ANKRD12: variants seen among roughly 807,000 people sequenced by gnomAD.
ANKRD12 encodes ankyrin repeat domain-containing protein 12.
Under a neutral mutation model 183.4 loss-of-function variants are expected in ANKRD12, and 85 were observed. The ratio of observed to expected loss-of-function variants is 0.46; its 90% CI spans 0.39 to 0.56. The LOEUF is 0.56. ANKRD12 is among the 20% of genes least tolerant of loss of function. The probability of loss-of-function intolerance (pLI) is 0.00; values close to 1 mark genes in which losing one functional copy is unlikely to be tolerated. For synonymous variants in ANKRD12, 914 were observed against 800.2 expected (o/e 1.14, Z -2.40); for missense variants, 2,405 against 2,357.1 (o/e 1.02, Z -0.42).
At chr18:9,186,136 G>GTTTTTTTTTTTTTTTTTTTTTTTTTTT (rs1280812557) in intron 2 of ANKRD12, among the ~76,000 whole-genome samples, 3 of 141,894 alleles carry the variant, frequency 2.1e-5, no homozygotes, top group South Asian at 2.2e-4. Flanking sequence ...CTAAAAGTGT[G>GTTTTTTTTTTTTTTTTTTTTTTTTTTT]ATTTTTTTTT....
chr18:9,194,862 A>G (rs1476319935), intron 2 of ANKRD12, among the ~76,000 whole-genome samples: 4 of 152,196 alleles, frequency 2.6e-5, no homozygotes, highest in Non-Finnish European at 5.9e-5. Context: ...AAATTGTCCT[A>G]TTAAAAAGAC....
chr18:9,150,660 T>G (rs2078655506), intron 1 of ANKRD12, among the ~76,000 whole-genome samples: 1 of 152,102 alleles, frequency 6.6e-6, no homozygotes, highest in Admixed American at 6.5e-5. Flanking sequence ...TTATTTTTTA[T>G]TATTATTTTT....
chr18:9,223,959 A>G (rs894353430), intron 8 of ANKRD12, among the ~76,000 whole-genome samples: 26 of 152,332 alleles, frequency 1.7e-4, no homozygotes, highest in African/African-American at 5.3e-4. Flanking sequence ...AAGAAGAGAA[A>G]GTAAAAGCAG....
At chr18:9,184,622 C>T (rs571181307) in intron 2 of ANKRD12, among the ~76,000 whole-genome samples, 4 of 152,182 alleles carry the variant, frequency 2.6e-5, no homozygotes, top group Non-Finnish European at 4.4e-5. Flanking sequence ...CCACCTGCCT[C>T]AGCCTCCCAA....
At chr18:9,146,941 G>C (rs1202402498) in intron 1 of ANKRD12, among the ~76,000 whole-genome samples, 7 of 152,164 alleles carry the variant, frequency 4.6e-5, no homozygotes, top group Admixed American at 4.6e-4. Flanking sequence ...TCATGGAAGT[G>C]ACAATTTTAA....
At chr18:9,185,621 T>G (rs1031008267) in intron 2 of ANKRD12, among the ~76,000 whole-genome samples, 1 of 152,152 alleles carries the variant, frequency 6.6e-6, no homozygotes, top group Non-Finnish European at 1.5e-5. Context: ...GAAATAAATA[T>G]ATGAGGATAT....
In ANKRD12 at chr18:9,255,285, A is replaced by C. The variant is rs763412806; in HGVS notation, c.2018A>C (p.Lys673Thr). 8.0e-5 allele frequency: 126 copies of C among 1,576,096 alleles called. No individual in the cohort carries two copies. The South Asian group carries it at 1.1e-3, about 14-fold the overall frequency. The part of the protein sequence containing the change: ...EKHKKEIEGE[K>T]EKYKTKDSAK... The stretch of plus-strand genomic sequence containing the variant: ...CATAAAAAAGAAATTGAAGGTGAAA[A>C]GGAAAAATACAAAACTAAGGATAGT... Residue 673 changes from lysine (K) to threonine (T), a missense_variant, in exon 9 of 13, where the codon AAG (lysine) becomes ACG (threonine). Physicochemically the swap from Lys to Thr is moderately conservative, Grantham distance 78. Transcript: ENST00000262126.
At position 9,142,874 on chromosome 18, in the gene ANKRD12, A is replaced by G. The variant is rs559895162; in HGVS notation, c.-52+5909A>G. ...ACTCCAGCCTGGGAGACAGAGTGAT[A>G]CTGCCTCCAAAAAAAAAAATTAGTT... On this transcript the variant is annotated intron_variant, in intron 1 of 12. Coordinates refer to ENST00000262126, the MANE Select transcript of ANKRD12 (RefSeq NM_015208.5). Among the ~76,000 whole-genome samples, 23 of 79,220 alleles carry G rather than the reference A, an allele frequency of 2.9e-4. No individual in the cohort carries two copies. The South Asian group carries it at 5.8e-3, about 20-fold the overall frequency. The allele number at this position is 79,220 out of a possible 152,430, so 52.0% of individuals were successfully genotyped here.
intron 5 of ANKRD12, among the ~76,000 whole-genome samples, chr18:9,209,868 C>T (rs1444264103): frequency 6.6e-6 from 1 of 151,956 alleles, no homozygotes; most frequent in African/African-American, 2.4e-5. Context: ...ATTAAAAGAC[C>T]AACAGACAAA....
At chr18:9,204,321 T>G (rs1260233709) in intron 3 of ANKRD12, among the ~76,000 whole-genome samples, 155 bp from the exon 4 acceptor site, 1 of 152,252 alleles carries the variant, frequency 6.6e-6, no homozygotes, top group Non-Finnish European at 1.5e-5. Flanking sequence ...AAACCTGTGT[T>G]TTAAATATAA....
intron 8 of ANKRD12, among the ~76,000 whole-genome samples, chr18:9,236,924 G>T (rs2037382182): frequency 6.6e-6 from 1 of 152,174 alleles, no homozygotes; most frequent in African/African-American, 2.4e-5. Flanking sequence ...AATACTGGAA[G>T]ATAGACTACT....
chr18:9,146,516 C>G (rs1368685248), intron 1 of ANKRD12, among the ~76,000 whole-genome samples: 1 of 152,104 alleles, frequency 6.6e-6, no homozygotes, highest in Non-Finnish European at 1.5e-5. Flanking sequence ...GACTCCATCT[C>G]CATAAAAATA....
rs1313431404 is a variant in ANKRD12, at chr18:9,257,615, A to G, written c.4348A>G (p.Ser1450Gly). 2 of 1,613,914 alleles carry G rather than the reference A, an allele frequency of 1.2e-6. No homozygotes were observed. The highest frequency in any genetic ancestry group is 1.7e-5 in the Admixed American group (1 of 59,984). Residue 1450 changes from serine to glycine, a missense_variant, in exon 9 of 13, where the codon AGT (serine) becomes GGT (glycine). By Grantham distance (56) the Ser-to-Gly change is moderately conservative. Transcript: ENST00000262126. ...ACCTGATCAAGAATCCTCTCTTCAG[A>G]GTTTTTGTAATTCTGAAAATAAGGT... ...NIPDQESSLQ[S>G]FCNSENKVLK...
intron 1 of ANKRD12, among the ~76,000 whole-genome samples, chr18:9,145,718 T>G (rs556289870): frequency 5.3e-5 from 8 of 152,322 alleles, no homozygotes; most frequent in African/African-American, 1.9e-4. Flanking sequence ...CAGCCACAAT[T>G]ACTAGGATGA....
chr18:9,169,107 T>G (rs976562322), intron 1 of ANKRD12, among the ~76,000 whole-genome samples: 1 of 152,212 alleles, frequency 6.6e-6, no homozygotes, highest in Non-Finnish European at 1.5e-5. Context: ...ATTTCTGTTC[T>G]TTTACATTTG....
intron 10 of ANKRD12, among the ~76,000 whole-genome samples, chr18:9,270,023 C>T (rs1417652562): frequency 2.0e-5 from 3 of 152,206 alleles, no homozygotes; most frequent in African/African-American, 4.8e-5. Flanking sequence ...TGCTCATCAT[C>T]ACTGGCCATC....
At chr18:9,245,298 A>T (rs1006282017) in intron 8 of ANKRD12, among the ~76,000 whole-genome samples, 3 of 151,840 alleles carry the variant, frequency 2.0e-5, no homozygotes, top group African/African-American at 7.3e-5. Context: ...AAAAAAAAAA[A>T]AAATTAGCCA....
intron 1 of ANKRD12, among the ~76,000 whole-genome samples, chr18:9,152,452 C>G (rs1364092828): frequency 1.3e-5 from 2 of 152,124 alleles, no homozygotes; most frequent in African/African-American, 4.8e-5. Flanking sequence ...AGGCCATCTA[C>G]CAGCCTGGGT....
chr18:9,165,912 T>A (rs1031374346), intron 1 of ANKRD12, among the ~76,000 whole-genome samples: 28 of 128,936 alleles, frequency 2.2e-4, no homozygotes, highest in African/African-American at 8.3e-4. Context: ...GATGTTCCCC[T>A]TCCTGTGTCC....
Sources: allele counts gnomAD v4.1 joint callset (sites outside exome capture counted in the v4.1 genomes callset), GRCh38; gene constraint gnomAD v4.1.1; transcripts MANE v1.5; gene names NCBI Gene and HGNC (gene_info 2026-07-23, HGNC 2026-07-21).